The following ERBB4 variants were observed in gnomAD, a reference collection of about 807,000 sequenced individuals.
ERBB4 encodes the protein receptor tyrosine-protein kinase erbB-4.
Under a neutral mutation model 158.0 loss-of-function variants are expected in ERBB4, and 42 were observed. The observed-to-expected ratio is 0.27, with a 90% CI of 0.21 to 0.34. The LOEUF is 0.34. ERBB4 is among the 10% of genes least tolerant of loss of function. The pLI, the probability that ERBB4 is intolerant of heterozygous loss-of-function variation, is 1.00. For synonymous variants in ERBB4, 583 were observed against 558.7 expected (o/e 1.04, Z -0.61); for missense variants, 1,333 against 1,624.1 (o/e 0.82, Z 3.08).
At chr2:212,010,238 A>G (rs2076352667) in intron 2 of ERBB4, among the ~76,000 whole-genome samples, 1 of 152,170 alleles carries the variant, frequency 6.6e-6, no homozygotes, top group Admixed American at 6.5e-5. Flanking sequence ...GAAGACATGG[A>G]TAAGGTATTA....
intron 3 of ERBB4, among the ~76,000 whole-genome samples, chr2:211,888,920 T>G (rs1005578358): frequency 7.3e-5 from 11 of 151,676 alleles, no homozygotes; most frequent in Admixed American, 3.9e-4. Context: ...TCTCACTGAT[T>G]GCTAGCACAG....
intron 1 of ERBB4, among the ~76,000 whole-genome samples, chr2:212,223,253 G>T (rs1489682857): frequency 6.7e-6 from 1 of 150,240 alleles, no homozygotes; most frequent in Non-Finnish European, 1.5e-5. Flanking sequence ...AATTTGGCTT[G>T]TTTCTTAAAT....
At chr2:212,172,689 C>T (rs932440031) in intron 1 of ERBB4, among the ~76,000 whole-genome samples, 2 of 151,898 alleles carry the variant, frequency 1.3e-5, no homozygotes, top group African/African-American at 4.8e-5. Context: ...GAACTGAAAA[C>T]AAAATATCAC....
At chr2:211,428,674 C>T (rs1304070383) in intron 21 of ERBB4, among the ~76,000 whole-genome samples, 191 bp from the exon 22 acceptor site, 1 of 151,940 alleles carries the variant, frequency 6.6e-6, no homozygotes, top group Non-Finnish European at 1.5e-5. Flanking sequence ...TTATAAAATA[C>T]ATAAAGTGAA....
chr2:211,778,196 G>A (rs2075935827), intron 4 of ERBB4: 1 of 152,174 alleles, frequency 6.6e-6, no homozygotes, highest in African/African-American at 2.4e-5. Context: ...CAGTGGCCTT[G>A]ACCTCTGTCT....
At chr2:211,796,575 C>T (rs994438952) in intron 3 of ERBB4, among the ~76,000 whole-genome samples, 5 of 151,922 alleles carry the variant, frequency 3.3e-5, no homozygotes, top group African/African-American at 1.2e-4. Context: ...AATCTAGTTG[C>T]TTCTTGACCT....
At chr2:212,061,969 A>C (rs1027661914) in intron 2 of ERBB4, among the ~76,000 whole-genome samples, 1 of 151,906 alleles carries the variant, frequency 6.6e-6, no homozygotes, top group Non-Finnish European at 1.5e-5. Flanking sequence ...TCCTGACCTC[A>C]GGTGATCCAC....
At chr2:212,282,978 G>A (rs375720278) in intron 1 of ERBB4, among the ~76,000 whole-genome samples, 5 of 151,934 alleles carry the variant, frequency 3.3e-5, no homozygotes, top group African/African-American at 7.2e-5. Context: ...TTTTGGGTCA[G>A]AGACAGATTG....
intron 2 of ERBB4, among the ~76,000 whole-genome samples, chr2:211,996,546 A>C (rs577013822): frequency 1.1e-4 from 16 of 152,340 alleles, no homozygotes; most frequent in Middle Eastern, 3.4e-3. Context: ...AAGCAGGTTA[A>C]AATCTCATTA....
chr2:211,897,198 TTACA>T (rs2079119974), intron 3 of ERBB4, among the ~76,000 whole-genome samples: 1 of 151,796 alleles, frequency 6.6e-6, no homozygotes, highest in African/African-American at 2.4e-5. Context: ...TACTATAGTC[TTACA>T]TACATACACC....
intron 12 of ERBB4, among the ~76,000 whole-genome samples, chr2:211,699,750 G>T (rs1575008016): frequency 6.6e-6 from 1 of 151,822 alleles, no homozygotes; most frequent in Middle Eastern, 3.5e-3. Flanking sequence ...AATCCAAGAA[G>T]CATAACACTG....
chr2:212,156,794 T>C (rs1053411726), intron 1 of ERBB4, among the ~76,000 whole-genome samples: 6 of 152,126 alleles, frequency 3.9e-5, no homozygotes, highest in Admixed American at 1.3e-4. Context: ...AGAGACACAC[T>C]GGCCTCCTTT....
In ERBB4 at chr2:211,432,185, T is replaced by C. The variant is rs530952164; in HGVS notation, c.2488-1085A>G. Among the ~76,000 whole-genome samples the C allele has an allele frequency of 3.9e-5, 6 of 152,358 alleles. No individual in the cohort carries two copies. In the East Asian group the frequency reaches 1.2e-3, roughly 29 times the overall value. The stretch of plus-strand genomic sequence containing the variant: ...TGTTGAAGCATACTCTCATGCCAAT[T>C]GCAAATCAATGCTGTGGGCAGTTAA... On this transcript the variant is annotated intron_variant, in intron 20 of 27. Transcript: ENST00000342788.
intron 2 of ERBB4, among the ~76,000 whole-genome samples, chr2:212,003,112 A>AAGGAAGGAAGGAAGGAAG (rs2076147811): frequency 2.1e-5 from 1 of 48,192 alleles, no homozygotes; most frequent in African/African-American, 6.8e-5. Flanking sequence ...AAAGAAAGAA[A>AAGGAAGGAAGGAAGGAAG]GAAGGAAGGA....
chr2:211,596,852 C>T (rs2068647924), intron 19 of ERBB4, among the ~76,000 whole-genome samples: 1 of 152,108 alleles, frequency 6.6e-6, no homozygotes, highest in South Asian at 2.1e-4. Context: ...GCAACCTCCA[C>T]CTCCCGGGTT....
At chr2:211,392,596 A>ACC (rs1553519728) in intron 25 of ERBB4, among the ~76,000 whole-genome samples, 11 of 142,456 alleles carry the variant, frequency 7.7e-5, no homozygotes, top group African/African-American at 2.8e-4. Flanking sequence ...ACACACACAC[A>ACC]CACACCCCAA....
chr2:211,718,924 AG>A (rs1292725639), intron 7 of ERBB4, among the ~76,000 whole-genome samples: 1 of 152,226 alleles, frequency 6.6e-6, no homozygotes, highest in Non-Finnish European at 1.5e-5. Context: ...TTATTTTCTT[AG>A]GTAAAAAGAA....
chr2:211,648,662 C>T (rs551764494), intron 16 of ERBB4, among the ~76,000 whole-genome samples: 9 of 151,738 alleles, frequency 5.9e-5, no homozygotes, highest in South Asian at 2.1e-4. Flanking sequence ...CACTTTTTAC[C>T]GAAACAACCA....
chr2:211,524,796 G>C (rs937985428), intron 20 of ERBB4, among the ~76,000 whole-genome samples: 7 of 152,168 alleles, frequency 4.6e-5, no homozygotes, highest in Non-Finnish European at 8.8e-5. Flanking sequence ...GCCGGCTCTG[G>C]CCTTGGCCAG....
Sources: gnomAD v4.1 joint callset for allele counts (sites outside exome capture counted in the v4.1 genomes callset) on GRCh38, gnomAD v4.1.1 for gene constraint, MANE v1.5 for transcripts, NCBI Gene and HGNC (gene_info 2026-07-23, HGNC 2026-07-21) for gene names.